The following PPP1R1C variants were observed in gnomAD, a reference collection of about 807,000 sequenced individuals.
PPP1R1C encodes the protein protein phosphatase 1 regulatory inhibitor subunit 1C, also known as protein phosphatase 1 regulatory subunit 1C.
In PPP1R1C, 15 loss-of-function variants were observed where a neutral mutation model predicts 17.4. The ratio of observed to expected loss-of-function variants is 0.86; its 90% CI spans 0.58 to 1.33. The LOEUF (loss-of-function observed/expected upper bound fraction) is 1.33. Among genes scored for constraint, PPP1R1C ranks in the 40% most tolerant of loss-of-function variants. The pLI, the probability that PPP1R1C is intolerant of heterozygous loss-of-function variation, is 0.00. For missense variants in PPP1R1C, 143 were observed against 130.0 expected, an observed-to-expected ratio of 1.10 and a Z score of -0.48; for synonymous variants, 35 against 43.1, an observed-to-expected ratio of 0.81 and a Z score of 0.73.
intron 4 of PPP1R1C, chr2:182,064,040 T>C (rs573686261): frequency 3.7e-4 from 160 of 435,782 alleles, no homozygotes; most frequent in Non-Finnish European, 6.1e-4. Flanking sequence ...TCCAAAATAA[T>C]GACAAAGATT....
chr2:182,116,459 A>C (rs898084465), intron 4 of PPP1R1C, among the ~76,000 whole-genome samples: 4 of 152,074 alleles, frequency 2.6e-5, no homozygotes, highest in Non-Finnish European at 4.4e-5. Context: ...GGAGATTATC[A>C]TGTGTGTGTG....
At chr2:181,986,674 G>A (rs916902351) in intron 1 of PPP1R1C, among the ~76,000 whole-genome samples, 2 of 152,088 alleles carry the variant, frequency 1.3e-5, no homozygotes, top group African/African-American at 4.8e-5. Flanking sequence ...ATGATTATAA[G>A]TTTATATAAT....
chr2:182,002,927 A>ACCCCCCCAC (rs200353111), intron 2 of PPP1R1C, among the ~76,000 whole-genome samples: 1 of 90,920 alleles, frequency 1.1e-5, no homozygotes, highest in Non-Finnish European at 2.2e-5. Context: ...GATGCCATAA[A>ACCCCCCCAC]CCTCCCCCCC....
At position 182,126,927 on chromosome 2, in the gene PPP1R1C, GA is replaced by G. The variant is rs781372938; in HGVS notation, c.*7-2046del. Among the ~76,000 whole-genome samples, 31 of 152,090 alleles carry G rather than the reference GA, an allele frequency of 2.0e-4. 1 individual carries two copies. The highest frequency in any genetic ancestry group is 1.5e-3 in the East Asian group (8 of 5,180). Reference sequence around the variant, plus strand: ...GATGAAGTAAATTAAAATGATATTGGATTCATCTTTGTTTTTAATTTCTTAC... The same window carrying G: ...GATGAAGTAAATTAAAATGATATTGGTTCATCTTTGTTTTTAATTTCTTAC... On this transcript the variant is annotated intron_variant, in intron 5 of 5. Transcript: ENST00000280295.
chr2:182,037,832 A>G (rs1057264405), intron 2 of PPP1R1C, among the ~76,000 whole-genome samples: 2 of 152,186 alleles, frequency 1.3e-5, no homozygotes, highest in Non-Finnish European at 2.9e-5. Context: ...GAGTAGGCTC[A>G]TTAAAAGCAA....
chr2:181,989,074 G>A (rs975321920), intron 2 of PPP1R1C, among the ~76,000 whole-genome samples: 2 of 152,074 alleles, frequency 1.3e-5, no homozygotes, highest in South Asian at 4.1e-4. Context: ...AAGTCTTCTC[G>A]ATTTGGGGGT....
intron 4 of PPP1R1C, among the ~76,000 whole-genome samples, chr2:182,089,966 A>G (rs1688735492): frequency 6.6e-6 from 1 of 152,068 alleles, no homozygotes; most frequent in African/African-American, 2.4e-5. Context: ...CTTATAATAT[A>G]TTATCTTTTT....
intron 2 of PPP1R1C, among the ~76,000 whole-genome samples, chr2:182,016,373 G>A (rs1035229591): frequency 6.6e-6 from 1 of 152,144 alleles, no homozygotes; most frequent in Non-Finnish European, 1.5e-5. Context: ...TTCTTATGAA[G>A]TTGCTTTCTT....
intron 2 of PPP1R1C, among the ~76,000 whole-genome samples, chr2:182,032,734 A>C (rs949008958): frequency 1.3e-5 from 2 of 152,168 alleles, no homozygotes; most frequent in Non-Finnish European, 2.9e-5. Flanking sequence ...CAATTTTCTC[A>C]TCTATAAAAA....
intron 4 of PPP1R1C, among the ~76,000 whole-genome samples, chr2:182,072,914 C>T (rs1423484038): frequency 6.6e-6 from 1 of 152,138 alleles, no homozygotes; most frequent in Non-Finnish European, 1.5e-5. Flanking sequence ...TTTTAGATTC[C>T]TTCAAGTGTT....
At chr2:182,123,000 C>T (rs1689771292) in intron 5 of PPP1R1C, among the ~76,000 whole-genome samples, 1 of 152,198 alleles carries the variant, frequency 6.6e-6, no homozygotes, top group Admixed American at 6.5e-5. Flanking sequence ...TGCTATCCCT[C>T]CTCTAGCCCC....
At chr2:182,034,410 A>T in intron 2 of PPP1R1C, among the ~76,000 whole-genome samples, 1 of 152,120 alleles carries the variant, frequency 6.6e-6, no homozygotes, top group East Asian at 1.9e-4. Context: ...TATATTTTTT[A>T]ATTAGAAGGA....
chr2:182,045,416 A>G (rs1292593070), intron 2 of PPP1R1C, among the ~76,000 whole-genome samples: 1 of 145,434 alleles, frequency 6.9e-6, no homozygotes, highest in Admixed American at 7.1e-5. Context: ...ATATTTTTCC[A>G]TTGACCTCTC....
At chr2:182,025,084 A>T (rs1032917149) in intron 2 of PPP1R1C, among the ~76,000 whole-genome samples, 1 of 150,988 alleles carries the variant, frequency 6.6e-6, no homozygotes, top group Non-Finnish European at 1.5e-5. Flanking sequence ...TGTGCAAAAA[A>T]TAAAACAGGT....
chr2:182,103,541 G>A (rs1400008), intron 4 of PPP1R1C: 90,230 of 152,050 alleles, frequency 0.59, 26,949 homozygotes, highest in Non-Finnish European at 0.61. Flanking sequence ...AATGAAAGAA[G>A]AAAGTAGGTC....
intron 4 of PPP1R1C, among the ~76,000 whole-genome samples, chr2:182,082,575 T>C (rs192411938): frequency 7.3e-4 from 111 of 152,272 alleles, no homozygotes; most frequent in African/African-American, 2.6e-3. Context: ...ATTTGTTTAC[T>C]GCCCTGCCTT....
At chr2:182,122,508 A>G (rs1689757474), downstream of PPP1R1C, among the ~76,000 whole-genome samples, 1 of 152,176 alleles carries the variant, frequency 6.6e-6, no homozygotes, top group Non-Finnish European at 1.5e-5. Flanking sequence ...CCCCAATCAA[A>G]AAAGTAATAT....
At chr2:182,028,387 A>G (rs1330088143) in intron 2 of PPP1R1C, among the ~76,000 whole-genome samples, 8 of 150,250 alleles carry the variant, frequency 5.3e-5, no homozygotes, top group African/African-American at 1.7e-4. Context: ...CTTTGAATGC[A>G]TCCCAGAGAT....
chr2:182,118,211 C>T (rs189079032), downstream of PPP1R1C, among the ~76,000 whole-genome samples: 362 of 151,946 alleles, frequency 2.4e-3, 3 homozygotes, highest in African/African-American at 8.0e-3. Flanking sequence ...TACTATGCTG[C>T]GAATTATAGA....
Sources: allele counts gnomAD v4.1 joint callset (sites outside exome capture counted in the v4.1 genomes callset), GRCh38; gene constraint gnomAD v4.1.1; transcripts MANE v1.5; gene names NCBI Gene and HGNC (gene_info 2026-07-23, HGNC 2026-07-21).